The following NPM1 variants were observed in gnomAD, a reference collection of about 807,000 sequenced individuals.
NPM1 encodes the protein nucleophosmin 1.
NPM1 carries 1 observed loss-of-function variant against 44.1 expected under a neutral mutation model. That is an observed-to-expected ratio of 0.02 (90% CI 0.01 to 0.11). The LOEUF (loss-of-function observed/expected upper bound fraction) is 0.11. Among genes scored for constraint, NPM1 ranks in the 10% least tolerant of loss-of-function variants. The pLI, the probability that NPM1 is intolerant of heterozygous loss-of-function variation, is 1.00. For missense variants in NPM1, 197 were observed against 347.8 expected (o/e 0.57, Z 3.45); for synonymous variants, 126 against 111.8 (o/e 1.13, Z -0.80).
chr5:171,392,858 T>C lies in NPM1; in HGVS notation c.459+42T>C, dbSNP rs1770653152. ...TATTATAGGTTTTGTATTATAGCTT[T>C]TAGTTTGGTGATAGAACAGCTCTTG... is the stretch of plus-strand genomic sequence containing the variant. On this transcript the variant is annotated intron_variant, in intron 5 of 10. Coordinates refer to ENST00000296930, the MANE Select transcript of NPM1 (RefSeq NM_002520.7). 1.9e-6 allele frequency: 3 copies of C among 1,613,242 alleles called. No homozygotes were observed. The East Asian group carries it at 6.7e-5, about 36-fold the overall frequency.
intron 6 of NPM1, among the ~76,000 whole-genome samples, chr5:171,399,914 T>C (rs1771104335): frequency 6.6e-6 from 1 of 152,252 alleles, no homozygotes; most frequent in African/African-American, 2.4e-5. Flanking sequence ...CTTTTGTGGC[T>C]GGCTTATTTC....
Position 171,391,067 on chromosome 5 carries a change from A to G in NPM1, c.139-238A>G, listed in dbSNP as rs560597788. On this transcript the variant is annotated intron_variant, in intron 2 of 10. Coordinates refer to ENST00000296930, the MANE Select transcript of NPM1 (RefSeq NM_002520.7). Reference sequence around the variant, plus strand: ...CAAATACTGTGTTTCGGTTGCTTACAGTATTCAGTACAGTAACACTGTACA... The same window carrying G: ...CAAATACTGTGTTTCGGTTGCTTACGGTATTCAGTACAGTAACACTGTACA... 14 of 369,094 alleles carry G rather than the reference A, an allele frequency of 3.8e-5. 1 individual carries two copies. In the South Asian group the frequency reaches 7.5e-4, roughly 20 times the overall value. The allele number at this position is 369,094 out of a possible 1,614,324, so 22.9% of individuals were successfully genotyped here.
chr5:171,402,921 T>C (rs1384907296), intron 8 of NPM1, among the ~76,000 whole-genome samples: 1 of 150,210 alleles, frequency 6.7e-6, no homozygotes, highest in Admixed American at 6.6e-5. Context: ...TAAACCTCTT[T>C]TCTTCATAAA....
At chr5:171,404,045 A>C (rs767592383) in intron 8 of NPM1, among the ~76,000 whole-genome samples, 6,553 of 37,312 alleles carry the variant, frequency 0.18, 813 homozygotes, top group Middle Eastern at 0.34. Context: ...GGCAGAGGCA[A>C]CCCTCACCTC....
intron 3 of NPM1, 71 bp from the exon 4 acceptor site, chr5:171,391,635 A>G (rs1452494537): frequency 1.7e-5 from 20 of 1,197,880 alleles, no homozygotes; most frequent in African/African-American, 3.0e-5. Flanking sequence ...GATTTGGCTT[A>G]TGTGTTTGCC....
chr5:171,392,964 GGAT>G lies in NPM1; in HGVS notation c.519_521del (p.Asp173del), dbSNP rs767897913. 139 of 1,609,368 alleles carry G rather than the reference GGAT, an allele frequency of 8.6e-5. 1 individual carries two copies. In the South Asian group the frequency reaches 9.9e-4, roughly 11 times the overall value. ...AAGATGATGACGATGATGATGAAGAGGATGATGATGAAGAGTAAGTATGATTTT... is the reference window on the plus strand; with the variant it reads ...AAGATGATGACGATGATGATGAAGAGGATGATGAAGAGTAAGTATGATTTT... On this transcript the variant is annotated inframe_deletion, in exon 6 of 11. Transcript: ENST00000296930.
chr5:171,395,909 T>TA (rs1470535412), intron 6 of NPM1, among the ~76,000 whole-genome samples: 1 of 152,116 alleles, frequency 6.6e-6, no homozygotes, highest in Non-Finnish European at 1.5e-5. Context: ...GTTGATAGTA[T>TA]GTGGCCCTTA....
At chr5:171,396,405 A>C (rs1207395161) in intron 6 of NPM1, among the ~76,000 whole-genome samples, 1 of 152,206 alleles carries the variant, frequency 6.6e-6, no homozygotes, top group African/African-American at 2.4e-5. Context: ...CAGGGGAGGC[A>C]CCTGCAGGGA....
At chr5:171,397,964 T>A (rs1235391877) in intron 6 of NPM1, among the ~76,000 whole-genome samples, 1 of 151,990 alleles carries the variant, frequency 6.6e-6, no homozygotes, top group East Asian at 1.9e-4. Flanking sequence ...GCTAATTTTC[T>A]GTATTTTAAA....
At chr5:171,405,171 A>T (rs962457538) in intron 8 of NPM1, 131 bp from the exon 9 acceptor site, 14 of 614,674 alleles carry the variant, frequency 2.3e-5, no homozygotes, top group African/African-American at 2.2e-4. Context: ...TTTATTGATG[A>T]TAATTCCAGT....
chr5:171,406,282 T>G, intron 9 of NPM1: 1 of 922,564 alleles, frequency 1.1e-6, no homozygotes, highest in Non-Finnish European at 1.8e-6. Flanking sequence ...GTAAACCCTT[T>G]AGCCTTCCTG....
chr5:171,393,665 G>A (rs1170718966), intron 6 of NPM1, among the ~76,000 whole-genome samples: 2 of 152,206 alleles, frequency 1.3e-5, no homozygotes, highest in African/African-American at 4.8e-5. Flanking sequence ...CAGTTCTGAG[G>A]TTGGTCCATA....
chr5:171,400,060 G>A, intron 6 of NPM1, 93 bp from the exon 7 acceptor site: 1 of 763,578 alleles, frequency 1.3e-6, no homozygotes, highest in Admixed American at 2.0e-5. Flanking sequence ...ATAAACATGG[G>A]TGCACAAATA....
At chr5:171,406,557 T>G (rs1277899612) in intron 9 of NPM1, 2 of 1,473,888 alleles carry the variant, frequency 1.4e-6, no homozygotes, top group Non-Finnish European at 1.8e-6. Context: ...CACCCATGCC[T>G]CTTCAGGCTG....
At chr5:171,406,358 C>A (rs1037724926) in intron 9 of NPM1, 10 of 1,570,100 alleles carry the variant, frequency 6.4e-6, no homozygotes, top group Non-Finnish European at 7.9e-6. Flanking sequence ...CCCCTCCCCT[C>A]CATTTTAATA....
In NPM1 at chr5:171,408,652, G is replaced by T. The variant is rs575769824; in HGVS notation, c.846+878G>T. Among the ~76,000 whole-genome samples the T allele has an allele frequency of 1.1e-4, 17 of 152,262 alleles. No individual in the cohort carries two copies. The East Asian group carries it at 3.3e-3, about 29-fold the overall frequency. On this transcript the variant is annotated intron_variant, in intron 10 of 10. Transcript: ENST00000296930. ...TGATCAGGTTCAGTCTTTGGTTGCT[G>T]TTCTGTTTTTTCTCTACATTTGAAT...
chr5:171,392,342 A>G (rs1322359543), intron 4 of NPM1, among the ~76,000 whole-genome samples: 1 of 152,260 alleles, frequency 6.6e-6, no homozygotes, highest in East Asian at 1.9e-4. Flanking sequence ...GGTTCACCTC[A>G]GCCTCTGGAA....
intron 8 of NPM1, among the ~76,000 whole-genome samples, chr5:171,401,904 G>A (rs1311247458): frequency 2.6e-5 from 4 of 151,972 alleles, no homozygotes; most frequent in Admixed American, 2.0e-4. Context: ...CTTCCCTGCA[G>A]AAAATGGAAT....
At chr5:171,404,268 T>C (rs1771441056) in intron 8 of NPM1, among the ~76,000 whole-genome samples, 2 of 103,112 alleles carry the variant, frequency 1.9e-5, no homozygotes, top group East Asian at 7.7e-4. Context: ...ACGGGGTGGC[T>C]GCTGGGCGGA....
Sources: gnomAD v4.1 joint callset for allele counts (sites outside exome capture counted in the v4.1 genomes callset) on GRCh38, gnomAD v4.1.1 for gene constraint, MANE v1.5 for transcripts, NCBI Gene and HGNC (gene_info 2026-07-23, HGNC 2026-07-21) for gene names.